Variants in TRIO observed in about 807,000 individuals in gnomAD.
TRIO encodes the protein triple functional domain protein.
In TRIO, 58 loss-of-function variants were observed where a neutral mutation model predicts 351.9. The ratio of observed to expected loss-of-function variants is 0.16; its 90% confidence interval spans 0.13 to 0.21. TRIO has a LOEUF of 0.21. TRIO is among the 10% of genes least tolerant of loss of function. The pLI, the probability that TRIO is intolerant of heterozygous loss-of-function variation, is 1.00. For synonymous variants in TRIO, 1,758 were observed against 1,595.7 expected (o/e 1.10, Z -2.42); for missense variants, 3,201 against 4,027.8 (o/e 0.79, Z 5.56).
intron 1 of TRIO, among the ~76,000 whole-genome samples, chr5:14,231,757 G>T (rs1249527272): frequency 6.6e-6 from 1 of 151,968 alleles, no homozygotes; most frequent in Non-Finnish European, 1.5e-5. Flanking sequence ...GTATTTTATT[G>T]TAGACTCATA....
At position 14,474,229 on chromosome 5, in the gene TRIO, A is replaced by T. The variant is rs569919515; in HGVS notation, c.6083+132A>T. The T allele has an allele frequency of 3.9e-6, 3 of 766,018 alleles. No individual in the cohort carries two copies. The African/African-American group carries it at 5.2e-5, about 13-fold the overall frequency. 47.5% of individuals were successfully genotyped at this position (766,018 alleles called of 1,614,324 possible). A position where few individuals can be genotyped will look rare whatever the true frequency, so the allele number is the denominator to read the frequency against. On this transcript the variant is annotated intron_variant, in intron 40 of 56. Transcript: ENST00000344204. Reference sequence around the variant, plus strand: ...TAGCCTCCTGGAGGGAGCTGGTGCAAAGGAGATATTGATGTACCCAGGAGT... The same window carrying T: ...TAGCCTCCTGGAGGGAGCTGGTGCATAGGAGATATTGATGTACCCAGGAGT...
intron 47 of TRIO, among the ~76,000 whole-genome samples, chr5:14,486,715 A>T (rs577331717): frequency 4.6e-5 from 7 of 152,118 alleles, no homozygotes; most frequent in Non-Finnish European, 1.0e-4. Context: ...ATTAAAGGAG[A>T]TCGCTCATGG....
At chr5:14,400,409 A>G (rs1747973684) in intron 30 of TRIO, among the ~76,000 whole-genome samples, 1 of 152,160 alleles carries the variant, frequency 6.6e-6, no homozygotes. Context: ...GGCTGAAGCT[A>G]TTGACCTTTC....
chr5:14,309,139 ATCTATCTGTG>A (rs1379256076), intron 8 of TRIO, among the ~76,000 whole-genome samples: 4 of 140,042 alleles, frequency 2.9e-5, no homozygotes, highest in East Asian at 4.3e-4. Context: ...TTACTGCTGT[ATCTATCTGTG>A]TCTATCTGTA....
chr5:14,230,784 G>A (rs1161391897), intron 1 of TRIO, among the ~76,000 whole-genome samples: 1 of 152,112 alleles, frequency 6.6e-6, no homozygotes, highest in African/African-American at 2.4e-5. Context: ...CGTTTTGTAA[G>A]GTGTGTTGAA....
At chr5:14,379,064 T>G (rs2152351873) in intron 20 of TRIO, among the ~76,000 whole-genome samples, 1 of 152,264 alleles carries the variant, frequency 6.6e-6, no homozygotes, top group South Asian at 2.1e-4. Context: ...AATGGTTGCT[T>G]AAGAATCCGT....
chr5:14,438,291 T>C (rs1751757174), intron 34 of TRIO, among the ~76,000 whole-genome samples: 3 of 152,216 alleles, frequency 2.0e-5, no homozygotes, highest in Admixed American at 2.0e-4. Context: ...TCATTGACAA[T>C]TCAGGCTTCT....
intron 54 of TRIO, among the ~76,000 whole-genome samples, chr5:14,503,352 C>A (rs917502497): frequency 4.6e-5 from 7 of 152,254 alleles, no homozygotes; most frequent in East Asian, 1.9e-4. Context: ...GCTCCTGTTG[C>A]TGTCTCTGTC....
Position 14,270,838 on chromosome 5 carries a change from C to T in TRIO, c.171C>T (p.Asn57=), listed in dbSNP as rs55664610. The change falls in exon 2 of 57, where the codon AAC becomes AAT. Residue 57 remains asparagine, a synonymous_variant. Coordinates refer to ENST00000344204, the MANE Select transcript of TRIO (RefSeq NM_007118.4). The part of the protein sequence containing the change: ...AAFFRSGFRK[N]DEMKAMDVLP... ...TCTGTATTTCAGGGTTTCGAAAAAA[C>T]GATGAAATGAAAGCTATGGATGTTT... is the stretch of plus-strand genomic sequence containing the variant. The T allele has an allele frequency of 0.012, 19,972 of 1,613,024 alleles. 157 individuals carry two copies. The highest frequency in any genetic ancestry group is 0.015 in the Non-Finnish European group (18,247 of 1,179,162).
At chr5:14,353,415 A>G (rs1298106287) in intron 11 of TRIO, among the ~76,000 whole-genome samples, 2 of 151,862 alleles carry the variant, frequency 1.3e-5, no homozygotes, top group Non-Finnish European at 2.9e-5. Flanking sequence ...TGTGTGTGCC[A>G]CCACGCCCAG....
At chr5:14,276,857 C>G (rs895787273) in intron 2 of TRIO, among the ~76,000 whole-genome samples, 3 of 152,136 alleles carry the variant, frequency 2.0e-5, no homozygotes, top group African/African-American at 7.2e-5. Context: ...GACCAAGTCT[C>G]CTGGAGTTTT....
At chr5:14,216,384 G>A (rs1290869314) in intron 1 of TRIO, among the ~76,000 whole-genome samples, 1 of 152,198 alleles carries the variant, frequency 6.6e-6, no homozygotes, top group Non-Finnish European at 1.5e-5. Flanking sequence ...GCCCATTTAT[G>A]TATACACCTA....
chr5:14,481,489 G>C lies in TRIO; in HGVS notation c.6388-52G>C, dbSNP rs537371932. 17 of 1,604,530 alleles carry C rather than the reference G, an allele frequency of 1.1e-5. No individual in the cohort carries two copies. In the South Asian group the frequency reaches 1.8e-4, roughly 17 times the overall value. On this transcript the variant is annotated intron_variant, in intron 44 of 56. Transcript: ENST00000344204. ...ATCAGGTCAGAGGGTGAGCACGTCA[G>C]ATTTTCCCTAGAGGAACTTGAGCTT...
intron 34 of TRIO, among the ~76,000 whole-genome samples, chr5:14,424,829 T>G (rs1202310564): frequency 1.3e-5 from 2 of 152,250 alleles, no homozygotes; most frequent in African/African-American, 4.8e-5. Flanking sequence ...TTGACTTTTC[T>G]GTGGGTCCAC....
intron 52 of TRIO, 36 bp downstream of exon 52, chr5:14,498,287 T>C (rs893687480): frequency 1.9e-6 from 3 of 1,604,202 alleles, no homozygotes; most frequent in African/African-American, 2.7e-5. Flanking sequence ...TTTCGCTGGC[T>C]GGGAGCACCA....
chr5:14,198,867 A>G (rs1284895608), intron 1 of TRIO, among the ~76,000 whole-genome samples: 2 of 152,170 alleles, frequency 1.3e-5, no homozygotes, highest in Non-Finnish European at 2.9e-5. Context: ...ATCTGACTCA[A>G]TTCCTTGTAG....
intron 1 of TRIO, among the ~76,000 whole-genome samples, chr5:14,192,260 C>CTT (rs754026270): frequency 8.3e-6 from 1 of 120,084 alleles, no homozygotes; most frequent in African/African-American, 3.4e-5. Context: ...TTTCCTTCTT[C>CTT]TTTTTTTTTT....
intron 2 of TRIO, among the ~76,000 whole-genome samples, chr5:14,271,317 A>G (rs750767768): frequency 2.6e-5 from 4 of 152,148 alleles, no homozygotes; most frequent in Non-Finnish European, 5.9e-5. Flanking sequence ...TTGGGAGGCA[A>G]GGATGCCTGC....
Position 14,291,115 on chromosome 5 carries a change from A to C in TRIO, c.940A>C (p.Met314Leu). 6.2e-7 allele frequency: 1 copy of C among 1,614,212 alleles called. No individual in the cohort carries two copies. Among genetic ancestry groups the C allele is most frequent in the African/African-American group, 1.3e-5 (1 of 75,036 alleles). Residue 314 changes from methionine (M) to leucine (L), a missense_variant, in exon 5 of 57, where the codon ATG (methionine) becomes CTG (leucine). By Grantham distance (15) the Met-to-Leu change is conservative. Transcript: ENST00000344204. ...LQNLLPKVST[M>L]LDRLHSTRQH... ...GAACCTCTTGCCCAAGGTGTCCACCATGCTGGACCGGCTGCACTCGACACG... is the reference window on the plus strand; with the variant it reads ...GAACCTCTTGCCCAAGGTGTCCACCCTGCTGGACCGGCTGCACTCGACACG...
Sources: gnomAD v4.1 joint callset for allele counts (sites outside exome capture counted in the v4.1 genomes callset) on GRCh38, gnomAD v4.1.1 for gene constraint, MANE v1.5 for transcripts, NCBI Gene and HGNC (gene_info 2026-07-23, HGNC 2026-07-21) for gene names.